Variants in UBL3 observed in about 807,000 individuals in gnomAD.
UBL3 encodes the protein ubiquitin-like protein 3.
Under a neutral mutation model 18.4 loss-of-function variants are expected in UBL3, and 6 were observed. The observed-to-expected ratio is 0.33, with a 90% CI of 0.18 to 0.64. The LOEUF is 0.64. Ranked by LOEUF, UBL3 falls within the 30% of genes least tolerant of loss-of-function variation. The pLI, the probability that UBL3 is intolerant of heterozygous loss-of-function variation, is 0.76. For synonymous variants in UBL3, 49 were observed against 46.6 expected, an observed-to-expected ratio of 1.05 and a Z score of -0.21; for missense variants, 109 against 142.9, an observed-to-expected ratio of 0.76 and a Z score of 1.21.
chr13:29,830,622 G>T (rs1165647044), intron 1 of UBL3, among the ~76,000 whole-genome samples: 1 of 152,142 alleles, frequency 6.6e-6, no homozygotes, highest in African/African-American at 2.4e-5. Flanking sequence ...CTACTATTCT[G>T]TAATAGAAAT....
At chr13:29,799,589 C>T (rs927307388) in intron 1 of UBL3, among the ~76,000 whole-genome samples, 4 of 152,028 alleles carry the variant, frequency 2.6e-5, no homozygotes, top group Non-Finnish European at 5.9e-5. Flanking sequence ...AAAAATAGAA[C>T]TTTTTACATG....
At chr13:29,771,835 G>T in intron 3 of UBL3, among the ~76,000 whole-genome samples, 1 of 151,804 alleles carries the variant, frequency 6.6e-6, no homozygotes. Context: ...ATATTATTTG[G>T]AAATATAATA....
At chr13:29,779,423 AAG>A (rs905681038) in intron 1 of UBL3, among the ~76,000 whole-genome samples, 2 of 152,228 alleles carry the variant, frequency 1.3e-5, no homozygotes, top group African/African-American at 4.8e-5. Flanking sequence ...CTTTCTAATT[AAG>A]AGTTATGCAA....
intron 1 of UBL3, among the ~76,000 whole-genome samples, chr13:29,798,637 A>G (rs1490522548): frequency 6.6e-6 from 1 of 152,224 alleles, no homozygotes; most frequent in Non-Finnish European, 1.5e-5. Context: ...AAGTATGAAT[A>G]GAGTAGTCTG....
At chr13:29,771,767 T>C (rs745360043) in intron 3 of UBL3, among the ~76,000 whole-genome samples, 8 of 152,020 alleles carry the variant, frequency 5.3e-5, no homozygotes, top group Non-Finnish European at 1.2e-4. Flanking sequence ...AAAACTATCA[T>C]AAATTTTTCC....
chr13:29,776,853 T>C (rs1877008186), intron 2 of UBL3, among the ~76,000 whole-genome samples: 1 of 106,210 alleles, frequency 9.4e-6, no homozygotes, highest in African/African-American at 3.8e-5. Context: ...CCTGGCGACA[T>C]AGCGAGACTC....
Position 29,822,853 on chromosome 13 carries a change from T to C in UBL3, c.27+26659A>G, listed in dbSNP as rs564671549. 1.4e-4 allele frequency among the ~76,000 whole-genome samples: 21 copies of C among 152,294 alleles called. No individual in the cohort carries two copies. In the East Asian group the frequency reaches 3.9e-3, roughly 28 times the overall value. On this transcript the variant is annotated intron_variant, in intron 1 of 4. Coordinates refer to ENST00000380680, the MANE Select transcript of UBL3 (RefSeq NM_007106.4). ...AAAGGGCACACAAAAGGGCACATAA[T>C]TAAATTTGATCTTTAAGATCTCCCC...
chr13:29,774,637 T>C (rs185430652), intron 2 of UBL3, among the ~76,000 whole-genome samples: 6 of 152,280 alleles, frequency 3.9e-5, no homozygotes, highest in Admixed American at 3.9e-4. Flanking sequence ...TGGTTACTAA[T>C]GTGAAGAAAG....
At position 29,848,707 on chromosome 13, in the gene UBL3, G is replaced by GT. The variant is rs1162657873; in HGVS notation, c.27+804dup. 2.6e-5 allele frequency among the ~76,000 whole-genome samples: 4 copies of GT among 152,130 alleles called. No individual in the cohort carries two copies. The East Asian group carries it at 7.7e-4, about 29-fold the overall frequency. ...CTCACACAAGCCCAGCCCCAGCACT[G>GT]TAAGGTTACACGGTTACTGTTAGTC... On this transcript the variant is annotated intron_variant, in intron 1 of 4. Transcript: ENST00000380680.
chr13:29,826,702 T>C (rs1041163363), intron 1 of UBL3, among the ~76,000 whole-genome samples: 6 of 152,212 alleles, frequency 3.9e-5, no homozygotes, highest in Non-Finnish European at 4.4e-5. Context: ...TGCTCTGATC[T>C]TAGTTATTTC....
At chr13:29,801,514 C>A (rs1218760986) in intron 1 of UBL3, among the ~76,000 whole-genome samples, 4 of 152,282 alleles carry the variant, frequency 2.6e-5, no homozygotes, top group Admixed American at 1.3e-4. Flanking sequence ...GCAAGCAGAG[C>A]CCCAAGCTTG....
At chr13:29,848,496 AAAAT>A (rs1879284858) in intron 1 of UBL3, among the ~76,000 whole-genome samples, 1 of 152,014 alleles carries the variant, frequency 6.6e-6, no homozygotes, top group Non-Finnish European at 1.5e-5. Flanking sequence ...TTAAAATTAA[AAAAT>A]AAAATAAAAT....
At position 29,776,611 on chromosome 13, in the gene UBL3, G is replaced by A. The variant is rs544911059; in HGVS notation, c.136+544C>T. Among the ~76,000 whole-genome samples the A allele has an allele frequency of 3.1e-4, 47 of 151,814 alleles. 1 individual carries two copies. The highest frequency in any genetic ancestry group is 1.8e-3 in the Admixed American group (28 of 15,268). On this transcript the variant is annotated intron_variant, in intron 2 of 4. Transcript: ENST00000380680. ...TTTTTGGCTAGGCACGGTGGCTCAC[G>A]CCTGTAATCCTAACACTTTGGGAGG...
chr13:29,849,281 A>C (rs1163366421), intron 1 of UBL3, among the ~76,000 whole-genome samples: 3 of 152,132 alleles, frequency 2.0e-5, no homozygotes, highest in Admixed American at 1.3e-4. Flanking sequence ...ACATTTCCCT[A>C]CTTCTCCACT....
At chr13:29,776,636 G>A (rs1314186170) in intron 2 of UBL3, among the ~76,000 whole-genome samples, 1 of 151,832 alleles carries the variant, frequency 6.6e-6, no homozygotes, top group Non-Finnish European at 1.5e-5. Context: ...ACTTTGGGAG[G>A]CCGAGGTGGG....
chr13:29,794,840 AGGTACACTTCAATATG>A (rs897486393), intron 1 of UBL3, among the ~76,000 whole-genome samples: 2 of 152,270 alleles, frequency 1.3e-5, no homozygotes, highest in African/African-American at 4.8e-5. Context: ...AGAAATTAGC[AGGTACACTTCAATATG>A]TGCTTCTGAA....
At chr13:29,779,071 T>C (rs1877076149) in intron 1 of UBL3, among the ~76,000 whole-genome samples, 1 of 152,216 alleles carries the variant, frequency 6.6e-6, no homozygotes, top group Non-Finnish European at 1.5e-5. Context: ...TGTAAAGAAG[T>C]GATCCAAAAA....
At chr13:29,840,172 T>C (rs1271895591) in intron 1 of UBL3, among the ~76,000 whole-genome samples, 2 of 151,918 alleles carry the variant, frequency 1.3e-5, no homozygotes, top group Admixed American at 6.6e-5. Flanking sequence ...GGAGAGATCA[T>C]AGATACTACA....
At chr13:29,836,291 C>G (rs1878960108) in intron 1 of UBL3, among the ~76,000 whole-genome samples, 2 of 151,666 alleles carry the variant, frequency 1.3e-5, no homozygotes, top group African/African-American at 4.8e-5. Context: ...TTCTTAGCAA[C>G]TAGAAGGATA....
Sources: allele counts gnomAD v4.1 joint callset (sites outside exome capture counted in the v4.1 genomes callset), GRCh38; gene constraint gnomAD v4.1.1; transcripts MANE v1.5; gene names NCBI Gene and HGNC (gene_info 2026-07-23, HGNC 2026-07-21).